NRG1: variants seen among roughly 807,000 people sequenced by gnomAD.
The protein encoded by NRG1 is pro-neuregulin-1, membrane-bound isoform.
A neutral mutation model predicts 63.8 loss-of-function variants in NRG1; 18 were observed. That is an observed-to-expected ratio of 0.28 (90% CI 0.19 to 0.42). NRG1 has a LOEUF of 0.42. Ranked by LOEUF, NRG1 falls within the 10% of genes least tolerant of loss-of-function variation. The pLI, the probability that NRG1 is intolerant of heterozygous loss-of-function variation, is 1.00. For missense variants in NRG1, 762 were observed against 814.7 expected (o/e 0.94, Z 0.79); for synonymous variants, 302 against 301.3 (o/e 1.00, Z -0.02).
At chr8:31,832,379 C>T (rs779383540) in intron 1 of NRG1, among the ~76,000 whole-genome samples, 1 of 151,882 alleles carries the variant, frequency 6.6e-6, no homozygotes, top group Non-Finnish European at 1.5e-5. Context: ...CCCACGTCAG[C>T]CTCCCGAGTA....
chr8:32,375,616 A>C (rs772385404), intron 1 of NRG1, among the ~76,000 whole-genome samples: 4 of 152,166 alleles, frequency 2.6e-5, no homozygotes, highest in Non-Finnish European at 5.9e-5. Flanking sequence ...TCCAGTTGCA[A>C]GGTCAGGTGA....
chr8:32,334,935 A>G (rs1803071294), intron 1 of NRG1, among the ~76,000 whole-genome samples: 1 of 152,194 alleles, frequency 6.6e-6, no homozygotes, highest in African/African-American at 2.4e-5. Context: ...CTCAGAGTCA[A>G]TGCCACTTTC....
intron 1 of NRG1, among the ~76,000 whole-genome samples, chr8:32,176,087 G>A (rs932251654): frequency 1.4e-4 from 21 of 151,788 alleles, no homozygotes; most frequent in South Asian, 2.1e-4. Context: ...AAACTACAAG[G>A]CTACAGTAAC....
chr8:32,276,227 T>C (rs950495646), intron 1 of NRG1, among the ~76,000 whole-genome samples: 1 of 152,176 alleles, frequency 6.6e-6, no homozygotes, highest in Non-Finnish European at 1.5e-5. Flanking sequence ...CTCTAATGAC[T>C]ACAGGTCTAT....
chr8:32,460,153 G>A (rs919050415), intron 1 of NRG1, among the ~76,000 whole-genome samples: 3 of 152,212 alleles, frequency 2.0e-5, no homozygotes, highest in African/African-American at 7.2e-5. Flanking sequence ...TTGGCACACA[G>A]ATGTTACTTA....
intron 5 of NRG1, among the ~76,000 whole-genome samples, chr8:32,685,020 T>C (rs562314459): frequency 1.3e-5 from 2 of 152,154 alleles, no homozygotes; most frequent in African/African-American, 2.4e-5. Context: ...TTTTCCCCAA[T>C]GGTAACATTC....
chr8:32,448,524 T>C (rs1258554013), intron 1 of NRG1, among the ~76,000 whole-genome samples: 1 of 152,136 alleles, frequency 6.6e-6, no homozygotes, highest in Non-Finnish European at 1.5e-5. Context: ...GGATCCAAAG[T>C]CTTTGAGTTG....
intron 1 of NRG1, among the ~76,000 whole-genome samples, chr8:31,775,202 C>A (rs1819002334): frequency 1.3e-5 from 2 of 152,206 alleles, no homozygotes; most frequent in Non-Finnish European, 2.9e-5. Flanking sequence ...ACCTAAGTGT[C>A]CATCATGGAG....
intron 1 of NRG1, among the ~76,000 whole-genome samples, chr8:31,692,301 T>C (rs565117136): frequency 1.3e-5 from 2 of 152,362 alleles, no homozygotes; most frequent in Non-Finnish European, 2.9e-5. Flanking sequence ...ATGATTTTGC[T>C]TTCATATATT....
chr8:32,087,253 T>G (rs1828362874), intron 1 of NRG1, among the ~76,000 whole-genome samples: 1 of 151,966 alleles, frequency 6.6e-6, no homozygotes, highest in African/African-American at 2.4e-5. Flanking sequence ...ATCTGCTTGG[T>G]GATAAGTAAG....
At chr8:32,746,761 A>G (rs941391561) in intron 7 of NRG1, among the ~76,000 whole-genome samples, 1 of 152,144 alleles carries the variant, frequency 6.6e-6, no homozygotes, top group Non-Finnish European at 1.5e-5. Flanking sequence ...GCAGAAGTTC[A>G]ATAGGAAGCA....
rs564742920 is a variant in NRG1 at position 32,284,710 on chromosome 8, T to TTTTG, written c.38-311100_38-311097dup. Among the ~76,000 whole-genome samples, 78 of 152,184 alleles carry TTTTG rather than the reference T, an allele frequency of 5.1e-4. 1 individual carries two copies. Among genetic ancestry groups the TTTTG allele is most frequent in the South Asian group, 3.5e-3 (17 of 4,818 alleles). ...CACGCTTGGCTAATTCTTTTTTGCCTTTTGTTTGTTTGTTTGTTTGTAGAG... is the reference window on the plus strand; with the variant it reads ...CACGCTTGGCTAATTCTTTTTTGCCTTTTGTTTGTTTGTTTGTTTGTTTGTAGAG... On this transcript the variant is annotated intron_variant, in intron 1 of 10. Transcript: ENST00000519301.
chr8:32,601,884 G>GTTAT (rs1389342464), intron 2 of NRG1, among the ~76,000 whole-genome samples: 1 of 150,728 alleles, frequency 6.6e-6, no homozygotes, highest in Non-Finnish European at 1.5e-5. Context: ...GGTTTTTTTT[G>GTTAT]TTATTCTTTC....
intron 1 of NRG1, among the ~76,000 whole-genome samples, chr8:31,648,679 A>G (rs1804543888): frequency 6.6e-6 from 1 of 152,076 alleles, no homozygotes; most frequent in Non-Finnish European, 1.5e-5. Context: ...TGACTGGCTT[A>G]TTTCACTTAC....
chr8:31,864,429 A>G (rs2129610803), intron 1 of NRG1, among the ~76,000 whole-genome samples: 1 of 152,274 alleles, frequency 6.6e-6, no homozygotes, highest in Admixed American at 6.5e-5. Flanking sequence ...AGGAGTCAGG[A>G]AGCCTTTCCT....
At chr8:32,208,868 T>TAA (rs1844359504) in intron 1 of NRG1, among the ~76,000 whole-genome samples, 1 of 152,216 alleles carries the variant, frequency 6.6e-6, no homozygotes, top group Non-Finnish European at 1.5e-5. Context: ...AGTAATGATC[T>TAA]ATATGAAAGA....
intron 1 of NRG1, among the ~76,000 whole-genome samples, chr8:31,821,437 C>T (rs1039011166): frequency 2.0e-5 from 3 of 152,164 alleles, no homozygotes; most frequent in South Asian, 4.1e-4. Flanking sequence ...AGCGTCATGG[C>T]TATTAGCAAT....
intron 1 of NRG1, among the ~76,000 whole-genome samples, chr8:32,470,387 A>G (rs6468107): frequency 0.77 from 116,750 of 151,228 alleles, 45,227 homozygotes; most frequent in East Asian, 0.89. Flanking sequence ...TGTATTTTTA[A>G]TAGAGACGGG....
At chr8:31,868,866 A>G (rs1035199825) in intron 1 of NRG1, among the ~76,000 whole-genome samples, 6 of 152,188 alleles carry the variant, frequency 3.9e-5, no homozygotes, top group South Asian at 2.1e-4. Context: ...TTGCGTCTAT[A>G]TGATTCCATG....
Sources: gnomAD v4.1 joint callset for allele counts (sites outside exome capture counted in the v4.1 genomes callset) on GRCh38, gnomAD v4.1.1 for gene constraint, MANE v1.5 for transcripts, NCBI Gene and HGNC (gene_info 2026-07-23, HGNC 2026-07-21) for gene names.